Variants in DPP10 observed in about 807,000 individuals in gnomAD.
The protein encoded by DPP10 is inactive dipeptidyl peptidase 10.
A neutral mutation model predicts 120.9 loss-of-function variants in DPP10; 33 were observed. The observed-to-expected ratio is 0.27, with a 90% CI of 0.21 to 0.37. The LOEUF is 0.37. Among genes scored for constraint, DPP10 ranks in the 10% least tolerant of loss-of-function variants. DPP10 has a pLI of 1.00. For missense variants in DPP10, 816 were observed against 942.8 expected (o/e 0.87, Z 1.76); for synonymous variants, 337 against 326.1 (o/e 1.03, Z -0.36).
chr2:115,468,309 C>T (rs2074459595), intron 3 of DPP10: 4 of 514,780 alleles, frequency 7.8e-6, no homozygotes, highest in Non-Finnish European at 1.5e-5. Context: ...CCAGAGGGCT[C>T]TGCCAAAGTT....
chr2:114,876,230 T>A (rs561029804), intron 1 of DPP10, among the ~76,000 whole-genome samples: 4 of 152,104 alleles, frequency 2.6e-5, no homozygotes, highest in Non-Finnish European at 5.9e-5. Flanking sequence ...ACAGATGAAT[T>A]GACAAGAGAT....
intron 1 of DPP10, among the ~76,000 whole-genome samples, chr2:114,693,203 T>C (rs1699873527): frequency 1.3e-5 from 2 of 151,866 alleles, no homozygotes; most frequent in African/African-American, 4.8e-5. Flanking sequence ...TGTGGTTTTT[T>C]AGTGGCTGGT....
chr2:114,744,239 G>A (rs995360481), intron 1 of DPP10, among the ~76,000 whole-genome samples: 1 of 152,172 alleles, frequency 6.6e-6, no homozygotes, highest in African/African-American at 2.4e-5. Context: ...GGGCAACAAG[G>A]AGTCATAGAA....
intron 1 of DPP10, among the ~76,000 whole-genome samples, chr2:115,016,072 A>G (rs1318843029): frequency 3.3e-5 from 5 of 152,222 alleles, no homozygotes; most frequent in African/African-American, 1.2e-4. Flanking sequence ...ACAAGGCTGG[A>G]AGCATCACGC....
chr2:114,733,585 C>T (rs575727597), intron 1 of DPP10, among the ~76,000 whole-genome samples: 1 of 152,216 alleles, frequency 6.6e-6, no homozygotes, highest in Non-Finnish European at 1.5e-5. Flanking sequence ...AATGCCTGAG[C>T]TGATAAGGTT....
intron 1 of DPP10, among the ~76,000 whole-genome samples, chr2:115,071,596 G>T (rs1321129413): frequency 6.6e-6 from 1 of 151,996 alleles, no homozygotes; most frequent in East Asian, 1.9e-4. Context: ...TTCCTTCCTT[G>T]CCTGAAGGTT....
chr2:114,944,034 A>G (rs181997313), intron 1 of DPP10, among the ~76,000 whole-genome samples: 28 of 152,296 alleles, frequency 1.8e-4, no homozygotes, highest in African/African-American at 6.0e-4. Context: ...TTGCTATCAT[A>G]ATATAATTCT....
chr2:115,097,504 T>C (rs1212110132), intron 1 of DPP10, among the ~76,000 whole-genome samples: 1 of 152,218 alleles, frequency 6.6e-6, no homozygotes, highest in Non-Finnish European at 1.5e-5. Context: ...GAACATGTAA[T>C]ACATTAATCC....
intron 1 of DPP10, among the ~76,000 whole-genome samples, chr2:114,517,247 A>G (rs1378502621): frequency 6.6e-6 from 1 of 152,228 alleles, no homozygotes; most frequent in Non-Finnish European, 1.5e-5. Flanking sequence ...ATGGCTGGGC[A>G]CAGTGGCTCA....
At chr2:114,653,027 A>T (rs13387978) in intron 1 of DPP10, among the ~76,000 whole-genome samples, 18,735 of 135,404 alleles carry the variant, frequency 0.14, 1,481 homozygotes, top group Admixed American at 0.21. Context: ...AGAGAGAGAG[A>T]GTGTGTGTGT....
chr2:115,458,889 T>C (rs2073796126), intron 3 of DPP10, among the ~76,000 whole-genome samples: 1 of 152,172 alleles, frequency 6.6e-6, no homozygotes, highest in Non-Finnish European at 1.5e-5. Flanking sequence ...GAGTACATGT[T>C]TTGTTTATAT....
chr2:114,504,160 A>T (rs549557735), intron 1 of DPP10, among the ~76,000 whole-genome samples: 1 of 152,262 alleles, frequency 6.6e-6, no homozygotes, highest in South Asian at 2.1e-4. Context: ...TTCTTATTTC[A>T]GTCCTGAATT....
chr2:115,307,963 G>C (rs187826137), intron 1 of DPP10, among the ~76,000 whole-genome samples: 16 of 152,242 alleles, frequency 1.1e-4, no homozygotes, highest in African/African-American at 3.8e-4. Context: ...AGAAAAAGTG[G>C]AATTGATCTC....
chr2:115,590,727 C>T (rs2082606072), intron 5 of DPP10, among the ~76,000 whole-genome samples: 1 of 152,152 alleles, frequency 6.6e-6, no homozygotes, highest in Admixed American at 6.5e-5. Context: ...GTTCTAGATC[C>T]TTGAGGAATC....
In DPP10 at chr2:115,836,168, C is replaced by T. The variant is rs780991247; in HGVS notation, c.1962C>T (p.Gly654=). The change falls in exon 22 of 26, where the codon GGC becomes GGT. Residue 654 remains glycine (G), a synonymous_variant. Coordinates refer to ENST00000410059, the MANE Select transcript of DPP10 (RefSeq NM_020868.6). ...TTTTTCCCCCCCAGGGTTATGGTGG[C>T]TATATTGCATCAATGATCTTAAAAT... ...RLSIFGKGYG[G]YIASMILKSD... 1.3e-6 allele frequency: 2 copies of T among 1,591,044 alleles called. No individual in the cohort carries two copies. Among genetic ancestry groups the T allele is most frequent in the Non-Finnish European group, 8.5e-7 (1 of 1,170,294 alleles).
intron 1 of DPP10, among the ~76,000 whole-genome samples, chr2:115,302,300 C>T (rs2061174681): frequency 6.6e-6 from 1 of 151,992 alleles, no homozygotes; most frequent in Non-Finnish European, 1.5e-5. Flanking sequence ...CAAATCCAAA[C>T]CATATCCAAG....
chr2:114,812,177 G>A (rs1247626020), intron 1 of DPP10, among the ~76,000 whole-genome samples: 1 of 152,172 alleles, frequency 6.6e-6, no homozygotes, highest in Non-Finnish European at 1.5e-5. Context: ...ACAATCTGCA[G>A]AATTGTTATT....
rs571516181 is a variant in DPP10 at position 115,438,434 on chromosome 2, A to G, written c.272-61076A>G. The stretch of plus-strand genomic sequence containing the variant: ...GACTTGTACATATACTTGCGTGCCA[A>G]TTATTATACCAACATTACTCTCAGT... On this transcript the variant is annotated intron_variant, in intron 3 of 25. Transcript: ENST00000410059. 1.4e-3 allele frequency among the ~76,000 whole-genome samples: 213 copies of G among 152,284 alleles called. 1 individual carries two copies. The highest frequency in any genetic ancestry group is 5.0e-3 in the African/African-American group (209 of 41,568).
At chr2:115,037,028 T>C (rs1212539875) in intron 1 of DPP10, among the ~76,000 whole-genome samples, 5 of 152,110 alleles carry the variant, frequency 3.3e-5, no homozygotes, top group Non-Finnish European at 7.3e-5. Context: ...ACTTTTTAAA[T>C]GGATTGAGCT....
Sources: gnomAD v4.1 joint callset for allele counts (sites outside exome capture counted in the v4.1 genomes callset) on GRCh38, gnomAD v4.1.1 for gene constraint, MANE v1.5 for transcripts, NCBI Gene and HGNC (gene_info 2026-07-23, HGNC 2026-07-21) for gene names.